The following CALN1 variants were observed in gnomAD, a reference collection of about 807,000 sequenced individuals.
CALN1 encodes calcium-binding protein 8.
CALN1 carries 17 observed loss-of-function variants against 30.6 expected under a neutral mutation model. The ratio of observed to expected loss-of-function variants is 0.56; its 90% CI spans 0.38 to 0.83. CALN1 has a LOEUF of 0.83. Ranked by LOEUF, CALN1 falls within the 40% of genes least tolerant of loss-of-function variation. The probability of loss-of-function intolerance (pLI) is 0.00; values close to 1 mark genes in which losing one functional copy is unlikely to be tolerated. For missense variants in CALN1, 291 were observed against 354.9 expected (o/e 0.82, Z 1.45); for synonymous variants, 156 against 131.4 (o/e 1.19, Z -1.28).
chr7:71,882,577 A>G (rs1175176236), intron 5 of CALN1, among the ~76,000 whole-genome samples: 1 of 152,152 alleles, frequency 6.6e-6, no homozygotes, highest in East Asian at 1.9e-4. Context: ...TCCTGGATAC[A>G]TGAAGTTTGT....
At chr7:72,405,167 G>T (rs1453132584) in intron 1 of CALN1, among the ~76,000 whole-genome samples, 1 of 152,190 alleles carries the variant, frequency 6.6e-6, no homozygotes, top group Admixed American at 6.5e-5. Context: ...CACTTCCCAA[G>T]GGTTGGGATC....
At chr7:72,245,242 G>A (rs1413727224) in intron 3 of CALN1, among the ~76,000 whole-genome samples, 1 of 152,176 alleles carries the variant, frequency 6.6e-6, no homozygotes, top group Admixed American at 6.5e-5. Context: ...CATCATCTGA[G>A]CCACCAATTC....
intron 5 of CALN1, among the ~76,000 whole-genome samples, chr7:71,994,422 G>T (rs1402137338): frequency 7.0e-6 from 1 of 143,092 alleles, no homozygotes; most frequent in East Asian, 2.2e-4. Context: ...TGAGGCAGGA[G>T]AATCATTTGA....
the CALN1 span, among the ~76,000 whole-genome samples, chr7:72,457,229 C>T: frequency 2.6e-5 from 4 of 152,042 alleles, no homozygotes; most frequent in Admixed American, 2.6e-4. Context: ...AGTCTGGTCT[C>T]GAACTCCTGA....
the CALN1 span, among the ~76,000 whole-genome samples, chr7:72,465,011 G>A: frequency 6.6e-6 from 1 of 152,044 alleles, no homozygotes; most frequent in Non-Finnish European, 1.5e-5. Context: ...GGTCCCAGAG[G>A]AACACCCACT....
chr7:71,828,189 C>T (rs578210272), intron 5 of CALN1, among the ~76,000 whole-genome samples: 45 of 152,208 alleles, frequency 3.0e-4, no homozygotes, highest in Non-Finnish European at 4.7e-4. Context: ...AGCCTTGACC[C>T]CAAATAATAA....
At chr7:72,497,790 T>C in the CALN1 span, among the ~76,000 whole-genome samples, 93 of 152,182 alleles carry the variant, frequency 6.1e-4, 1 homozygote, top group East Asian at 0.017. Context: ...CGTGAAGAAG[T>C]AACAAAATGT....
chr7:71,936,870 T>C (rs1795862804), intron 5 of CALN1, among the ~76,000 whole-genome samples: 2 of 151,372 alleles, frequency 1.3e-5, no homozygotes, highest in African/African-American at 4.9e-5. Context: ...AGTGAGTAAG[T>C]CTCATGAGAT....
intron 3 of CALN1, among the ~76,000 whole-genome samples, chr7:72,240,586 TC>T (rs2129551281): frequency 6.6e-6 from 1 of 152,352 alleles, no homozygotes; most frequent in African/African-American, 2.4e-5. Flanking sequence ...GCTAGTTTGA[TC>T]AATCAACTGC....
At chr7:72,320,204 G>A (rs1471880532) in intron 2 of CALN1, among the ~76,000 whole-genome samples, 1 of 152,132 alleles carries the variant, frequency 6.6e-6, no homozygotes, top group African/African-American at 2.4e-5. Context: ...AGGCAGAGAG[G>A]GAGGGCCAAG....
chr7:72,458,268 ATATTATATAATATATTT>A, the CALN1 span, among the ~76,000 whole-genome samples: 33 of 67,526 alleles, frequency 4.9e-4, no homozygotes, highest in Non-Finnish European at 6.8e-4. Flanking sequence ...AATATATTCT[ATATTATATAATATATTT>A]TATAATATAT....
At position 72,192,041 on chromosome 7, in the gene CALN1, A is replaced by G. The variant is rs540731600; in HGVS notation, c.245-85747T>C. Among the ~76,000 whole-genome samples the G allele has an allele frequency of 1.2e-4, 19 of 152,266 alleles. No homozygotes were observed. In the South Asian group the frequency reaches 3.7e-3, roughly 30 times the overall value. ...TCTGAGAGCTTCCAGAGTGCACCTG[A>G]ATTTCTTGGCGTACGGCCCCTTCCT... On this transcript the variant is annotated intron_variant, in intron 3 of 6. Transcript: ENST00000395275.
chr7:71,820,931 G>C (rs543867501), intron 5 of CALN1, among the ~76,000 whole-genome samples: 26 of 152,290 alleles, frequency 1.7e-4, no homozygotes, highest in Non-Finnish European at 3.4e-4. Context: ...AGACTTGATG[G>C]ATCACTGTGT....
At chr7:72,322,526 T>C (rs960842608) in intron 2 of CALN1, among the ~76,000 whole-genome samples, 1 of 152,068 alleles carries the variant, frequency 6.6e-6, no homozygotes, top group Non-Finnish European at 1.5e-5. Context: ...TCTGACACTA[T>C]AAATTCTGAC....
At chr7:72,316,025 C>A (rs1800419022) in intron 2 of CALN1, among the ~76,000 whole-genome samples, 2 of 151,992 alleles carry the variant, frequency 1.3e-5, no homozygotes, top group South Asian at 4.2e-4. Context: ...GTGGCAGGCA[C>A]CTGTAATTCC....
At chr7:71,949,505 C>CT (rs1304254360) in intron 5 of CALN1, among the ~76,000 whole-genome samples, 1 of 152,006 alleles carries the variant, frequency 6.6e-6, no homozygotes, top group Non-Finnish European at 1.5e-5. Flanking sequence ...CCTCAGCCTC[C>CT]TGAGTAGCTG....
chr7:72,247,243 T>C (rs1225993437), intron 3 of CALN1, among the ~76,000 whole-genome samples: 437 of 41,122 alleles, frequency 0.011, 29 homozygotes, highest in African/African-American at 0.034. Flanking sequence ...TTTTTTTTTT[T>C]TTTTTTTTTT....
At chr7:72,035,629 T>G (rs1475464501) in intron 4 of CALN1, among the ~76,000 whole-genome samples, 1 of 152,232 alleles carries the variant, frequency 6.6e-6, no homozygotes, top group Non-Finnish European at 1.5e-5. Context: ...ATATCTATTT[T>G]CTTTGTAGTT....
At chr7:72,210,637 T>TA (rs1007943210) in intron 3 of CALN1, among the ~76,000 whole-genome samples, 4 of 151,838 alleles carry the variant, frequency 2.6e-5, no homozygotes, top group East Asian at 3.9e-4. Flanking sequence ...ACCAAACACT[T>TA]AAAAAAACAG....
Sources: gnomAD v4.1 joint callset for allele counts (sites outside exome capture counted in the v4.1 genomes callset) on GRCh38, gnomAD v4.1.1 for gene constraint, MANE v1.5 for transcripts, NCBI Gene and HGNC (gene_info 2026-07-23, HGNC 2026-07-21) for gene names.